IGF1: variants seen among roughly 807,000 people sequenced by gnomAD.
The protein encoded by IGF1 is insulin-like growth factor 1.
Under a neutral mutation model 13.8 loss-of-function variants are expected in IGF1, and 4 were observed. The observed-to-expected ratio is 0.29, with a 90% CI of 0.14 to 0.66. The LOEUF (loss-of-function observed/expected upper bound fraction) is 0.66, where lower values mean the gene tolerates loss of function less well. IGF1 is among the 30% of genes least tolerant of loss of function. The pLI, the probability that IGF1 is intolerant of heterozygous loss-of-function variation, is 0.78. For synonymous variants in IGF1, 76 were observed against 72.6 expected, an observed-to-expected ratio of 1.05 and a Z score of -0.23; for missense variants, 124 against 188.5, an observed-to-expected ratio of 0.66 and a Z score of 2.00.
intron 2 of IGF1, among the ~76,000 whole-genome samples, chr12:102,468,662 G>A (rs1244647914): frequency 2.0e-5 from 3 of 152,224 alleles, no homozygotes; most frequent in African/African-American, 7.2e-5. Flanking sequence ...AGGCCTGGGG[G>A]TTTGAACTTT....
In IGF1 at chr12:102,401,684, A is replaced by G. The variant is rs531277650; in HGVS notation, c.*823T>C. The G allele has an allele frequency of 2.6e-5, 4 of 152,792 alleles. No homozygotes were observed. In the East Asian group the frequency reaches 7.7e-4, roughly 29 times the overall value. 9.5% of individuals were successfully genotyped at this position (152,792 alleles called of 1,614,324 possible). A position where few individuals can be genotyped will look rare whatever the true frequency, so the allele number is the denominator to read the frequency against. ...ATATGCTAAATTTACATAGTGCTCT[A>G]TATGGAAAAAATAAAAAGAGGAAAG... On this transcript the variant is annotated 3_prime_UTR_variant, in exon 4 of 4. Coordinates refer to ENST00000337514, the MANE Select transcript of IGF1 (RefSeq NM_000618.5).
chr12:102,481,038 A>G (rs1424957687), upstream of IGF1, among the ~76,000 whole-genome samples: 2 of 152,202 alleles, frequency 1.3e-5, no homozygotes, highest in Non-Finnish European at 2.9e-5. Flanking sequence ...GGTAAAGTAG[A>G]TTGGAAGACA....
rs150618679 is a variant in IGF1, at chr12:102,441,479, G to C, written c.221-21789C>G. ...GCCCTTTAGATGAGCTGAAGCAAAG[G>C]GGGCAGGGAACATAGAATAATGGTT... is the stretch of plus-strand genomic sequence containing the variant. On this transcript the variant is annotated intron_variant, in intron 2 of 3. Transcript: ENST00000337514. 7.2e-5 allele frequency among the ~76,000 whole-genome samples: 11 copies of C among 152,316 alleles called. No individual in the cohort carries two copies. The East Asian group carries it at 1.3e-3, about 19-fold the overall frequency.
chr12:102,426,666 A>C (rs1876233877), intron 2 of IGF1, among the ~76,000 whole-genome samples: 1 of 152,216 alleles, frequency 6.6e-6, no homozygotes, highest in South Asian at 2.1e-4. Flanking sequence ...ACCCCTTGTT[A>C]CCTTTGATTT....
chr12:102,475,192 A>AT (rs573743505), intron 2 of IGF1, among the ~76,000 whole-genome samples: 96 of 151,880 alleles, frequency 6.3e-4, no homozygotes, highest in African/African-American at 1.7e-3. Context: ...GCCCTTTAAT[A>AT]TTTTTTTTCC....
At chr12:102,404,333 G>C (rs936450240) in intron 3 of IGF1, among the ~76,000 whole-genome samples, 6 of 152,174 alleles carry the variant, frequency 3.9e-5, no homozygotes, top group African/African-American at 1.2e-4. Context: ...TAATATGAAG[G>C]CTGGGGAAAA....
chr12:102,463,679 G>A (rs1880094010), intron 2 of IGF1, among the ~76,000 whole-genome samples: 1 of 152,192 alleles, frequency 6.6e-6, no homozygotes, highest in African/African-American at 2.4e-5. Flanking sequence ...ATTCTGAGGT[G>A]TTACACCAGA....
chr12:102,433,728 A>G (rs1876950655), intron 2 of IGF1, among the ~76,000 whole-genome samples: 1 of 152,190 alleles, frequency 6.6e-6, no homozygotes, highest in African/African-American at 2.4e-5. Flanking sequence ...GTGGATTGAC[A>G]AGTTGGGTGC....
intron 2 of IGF1, among the ~76,000 whole-genome samples, chr12:102,455,193 C>T (rs1385116585): frequency 6.6e-6 from 1 of 152,218 alleles, no homozygotes; most frequent in African/African-American, 2.4e-5. Context: ...CTGCCTAGAA[C>T]TTCTGACTCA....
At chr12:102,415,937 T>C (rs1253797057) in intron 3 of IGF1, among the ~76,000 whole-genome samples, 1 of 152,192 alleles carries the variant, frequency 6.6e-6, no homozygotes, top group East Asian at 1.9e-4. Flanking sequence ...TAAGCCAGGA[T>C]CCACTTTGCA....
chr12:102,442,582 G>A (rs530911350), intron 2 of IGF1, among the ~76,000 whole-genome samples: 1 of 152,154 alleles, frequency 6.6e-6, no homozygotes, highest in East Asian at 1.9e-4. Flanking sequence ...AAGCTCTGCT[G>A]ATTCTAATTG....
intron 2 of IGF1, among the ~76,000 whole-genome samples, chr12:102,429,261 A>G (rs1435988078): frequency 6.6e-6 from 1 of 152,114 alleles, no homozygotes; most frequent in South Asian, 2.1e-4. Flanking sequence ...TTTTGCTGCT[A>G]TTATTTCTTT....
chr12:102,422,154 T>C (rs1429218994), intron 2 of IGF1, among the ~76,000 whole-genome samples: 1 of 152,232 alleles, frequency 6.6e-6, no homozygotes, highest in Admixed American at 6.5e-5. Context: ...TGTAGATCGA[T>C]GGGTTTAGGT....
At chr12:102,470,265 A>C (rs1398474599) in intron 2 of IGF1, among the ~76,000 whole-genome samples, 2 of 152,366 alleles carry the variant, frequency 1.3e-5, no homozygotes, top group Non-Finnish European at 2.9e-5. Flanking sequence ...AGTAAGTTGC[A>C]GAGCTGGGGT....
intron 2 of IGF1, among the ~76,000 whole-genome samples, chr12:102,432,272 A>G (rs1260617051): frequency 1.3e-5 from 2 of 152,224 alleles, no homozygotes; most frequent in African/African-American, 4.8e-5. Flanking sequence ...ATATGCCATC[A>G]TTTGTTGCTG....
At chr12:102,416,537 A>G (rs1875158514) in intron 3 of IGF1, among the ~76,000 whole-genome samples, 1 of 152,188 alleles carries the variant, frequency 6.6e-6, no homozygotes, top group Admixed American at 6.5e-5. Flanking sequence ...GGCCAAAAGA[A>G]GAGCAGCTTA....
At chr12:102,481,313 T>C (rs1881377892), upstream of IGF1, among the ~76,000 whole-genome samples, 1 of 151,862 alleles carries the variant, frequency 6.6e-6, no homozygotes. Flanking sequence ...GCAAACAATT[T>C]TCCTGTTGTT....
chr12:102,470,528 T>C (rs1200271820), intron 2 of IGF1, among the ~76,000 whole-genome samples: 1 of 152,216 alleles, frequency 6.6e-6, no homozygotes, highest in Non-Finnish European at 1.5e-5. Flanking sequence ...TCTTTAATAA[T>C]ATCTGTAGCC....
At chr12:102,464,619 A>C (rs1229184718) in intron 2 of IGF1, among the ~76,000 whole-genome samples, 1 of 151,882 alleles carries the variant, frequency 6.6e-6, no homozygotes, top group Non-Finnish European at 1.5e-5. Context: ...TTACAACTGC[A>C]TCAAATGTTG....
Sources: allele counts gnomAD v4.1 joint callset (sites outside exome capture counted in the v4.1 genomes callset), GRCh38; gene constraint gnomAD v4.1.1; transcripts MANE v1.5; gene names NCBI Gene and HGNC (gene_info 2026-07-23, HGNC 2026-07-21).